UBR4: variants seen among roughly 807,000 people sequenced by gnomAD.
The protein encoded by UBR4 is ubiquitin protein ligase E3 component n-recognin 4.
In UBR4, 124 loss-of-function variants were observed where a neutral mutation model predicts 575.6. The observed-to-expected ratio is 0.22, with a 90% CI of 0.19 to 0.25. The LOEUF is 0.25. UBR4 is among the 10% of genes least tolerant of loss of function. UBR4 has a pLI of 1.00. For synonymous variants in UBR4, 2,455 were observed against 2,473.7 expected (o/e 0.99, Z 0.22); for missense variants, 4,818 against 6,478.8 (o/e 0.74, Z 8.80).
rs1340117548 is a variant in UBR4 at position 19,198,042 on chromosome 1, C to G, written c.656G>C (p.Gly219Ala). The change falls in exon 6 of 106, where the codon GGA becomes GCA. Residue 219 changes from glycine (G) to alanine (A), a missense_variant. Coordinates refer to ENST00000375254, the MANE Select transcript of UBR4 (RefSeq NM_020765.3). ...QPISTQTLVE[G>A]ENDEQSSTDQ... The stretch of plus-strand genomic sequence containing the variant: ...TGTAGATGACTGCTCATCATTTTCT[C>G]CTTCCACCTGAAAAGAAACATAAGG... 78 of 1,613,582 alleles carry G rather than the reference C, an allele frequency of 4.8e-5. No individual in the cohort carries two copies. Among genetic ancestry groups the G allele is most frequent in the Non-Finnish European group, 6.3e-5 (74 of 1,179,990 alleles).
At chr1:19,138,940 A>G in intron 59 of UBR4, 143 bp downstream of exon 59, 1 of 1,085,752 alleles carries the variant, frequency 9.2e-7, no homozygotes, top group Non-Finnish European at 1.2e-6. Flanking sequence ...TGAATTCCAC[A>G]AGACTTTCAG....
At chr1:19,192,078 A>G in intron 11 of UBR4, 110 bp downstream of exon 11, 1 of 1,253,990 alleles carries the variant, frequency 8.0e-7, no homozygotes, top group South Asian at 1.5e-5. Flanking sequence ...AATTCAAGCC[A>G]GGTAGGAAGG....
At position 19,104,139 on chromosome 1, in the gene UBR4, C is replaced by T. The variant is rs1322549691; in HGVS notation, c.12846G>A (p.Lys4282=). 1.2e-5 allele frequency: 20 copies of T among 1,614,142 alleles called. No individual in the cohort carries two copies. The highest frequency in any genetic ancestry group is 1.4e-5 in the Non-Finnish European group (17 of 1,180,058). Residue 4282 remains lysine (K), a synonymous_variant, in exon 87 of 106, where the codon AAG becomes AAA. Coordinates refer to ENST00000375254, the MANE Select transcript of UBR4 (RefSeq NM_020765.3). ...GCATGTCCTGCGTCTCATCGATCAGCTTGGTCCTCTGCACCACCAGCTTCC... is the reference window on the plus strand; with the variant it reads ...GCATGTCCTGCGTCTCATCGATCAGTTTGGTCCTCTGCACCACCAGCTTCC... ...CLRKLVVQRT[K]LIDETQDMLL...
At chr1:19,096,685 G>T (rs750540358) in intron 91 of UBR4, 35 bp from the exon 92 acceptor site, 2 of 1,611,556 alleles carry the variant, frequency 1.2e-6, no homozygotes, top group East Asian at 2.2e-5. Context: ...GAAATGGAGG[G>T]TAAGGTGAAG....
chr1:19,182,367 G>A (rs1215521968), intron 17 of UBR4, among the ~76,000 whole-genome samples: 2 of 151,690 alleles, frequency 1.3e-5, no homozygotes, highest in Non-Finnish European at 2.9e-5. Flanking sequence ...GGCAGATGGG[G>A]ATCTTGCTAT....
chr1:19,165,190 C>T lies in UBR4; in HGVS notation c.4312+59G>A, dbSNP rs573506122. 2.0e-4 allele frequency: 302 copies of T among 1,523,228 alleles called. 1 individual carries two copies. Among genetic ancestry groups the T allele is most frequent in the Admixed American group, 8.5e-5 (5 of 59,144 alleles). The allele number at this position is 1,523,228 out of a possible 1,614,324, so 94.4% of individuals were successfully genotyped here. ...TAGTTAAACTCAGGCAGAAGATATG[C>T]ACAGTATTAGCCGGACATCAAAGTT... On this transcript the variant is annotated intron_variant, in intron 31 of 105. Transcript: ENST00000375254.
chr1:19,121,872 G>GT, intron 67 of UBR4, 62 bp downstream of exon 67: 2 of 1,575,082 alleles, frequency 1.3e-6, no homozygotes, highest in Non-Finnish European at 1.7e-6. Context: ...TTGGCATATA[G>GT]TAGGCCTTAA....
At chr1:19,156,184 A>G in intron 42 of UBR4, 87 bp downstream of exon 42, 1 of 1,529,370 alleles carries the variant, frequency 6.5e-7, no homozygotes, top group Admixed American at 2.1e-5. Context: ...GATTTTTTTA[A>G]CTCCTGGGAG....
intron 2 of UBR4, among the ~76,000 whole-genome samples, chr1:19,201,103 C>T (rs192276825): frequency 9.9e-5 from 15 of 152,186 alleles, no homozygotes; most frequent in Admixed American, 9.8e-4. Flanking sequence ...CACGCCACTG[C>T]ACTCCAGCCT....
In UBR4 at chr1:19,120,003, C is replaced by T. The variant is rs993843823; in HGVS notation, c.10310+177G>A. The stretch of plus-strand genomic sequence containing the variant: ...AAAACAGATCGTCTCCTGCCTATGA[C>T]GTCAGTTTAATGGCTAAAAAGCAGA... On this transcript the variant is annotated intron_variant, in intron 69 of 105. Coordinates refer to ENST00000375254, the MANE Select transcript of UBR4 (RefSeq NM_020765.3). Among the ~76,000 whole-genome samples, 8 of 152,146 alleles carry T rather than the reference C, an allele frequency of 5.3e-5. No individual in the cohort carries two copies. The South Asian group carries it at 6.2e-4, about 12-fold the overall frequency.
At chr1:19,109,456 G>A (rs1371512224) in intron 81 of UBR4, among the ~76,000 whole-genome samples, 1 of 152,236 alleles carries the variant, frequency 6.6e-6, no homozygotes, top group South Asian at 2.1e-4. Flanking sequence ...GGAGCTCACA[G>A]CTAGCCTAGT....
intron 17 of UBR4, among the ~76,000 whole-genome samples, chr1:19,181,253 C>A (rs527920882): frequency 7.2e-5 from 11 of 152,002 alleles, no homozygotes; most frequent in Admixed American, 5.2e-4. Flanking sequence ...AAGGACGGAC[C>A]AGCCGGGCAT....
rs2077341152 is a variant in UBR4, at chr1:19,089,774, C to A, written c.14212-797G>T. 6.6e-6 allele frequency among the ~76,000 whole-genome samples: 1 copy of A among 152,222 alleles called. No individual in the cohort carries two copies. The highest frequency in any genetic ancestry group is 1.5e-5 in the Non-Finnish European group (1 of 68,040). On this transcript the variant is annotated intron_variant, in intron 97 of 105. Transcript: ENST00000375254. This position sits in a 1 kb window ranked among gnomAD's most constrained non-coding sequence, Gnocchi z 4.3. ...TGAAAATAACACAGCCAGCAGATCACTCAGTAGCTCATAAATCTGTTCTCA... is the reference window on the plus strand; with the variant it reads ...TGAAAATAACACAGCCAGCAGATCAATCAGTAGCTCATAAATCTGTTCTCA...
At chr1:19,099,774 A>T in intron 89 of UBR4, 97 bp from the exon 90 acceptor site, 9 of 1,036,560 alleles carry the variant, frequency 8.7e-6, no homozygotes, top group Non-Finnish European at 1.1e-5. Context: ...TTGATAATTC[A>T]CAATTTTTAT....
At chr1:19,094,211 CAA>C (rs1403952163) in intron 94 of UBR4, 72 bp from the exon 95 acceptor site, 47 of 1,194,582 alleles carry the variant, frequency 3.9e-5, no homozygotes, top group Non-Finnish European at 4.6e-5. Flanking sequence ...ATCTGAGCCC[CAA>C]AAGTCACCAC....
chr1:19,187,333 G>A, intron 12 of UBR4, 32 bp from the exon 13 acceptor site: 1 of 1,609,188 alleles, frequency 6.2e-7, no homozygotes, highest in Non-Finnish European at 8.5e-7. Context: ...GGCAATTAAT[G>A]ATACTACTCA....
In UBR4 at chr1:19,118,809, T is replaced by G. The variant is rs11576847; in HGVS notation, c.10541+63A>C. On this transcript the variant is annotated intron_variant, in intron 71 of 105. Coordinates refer to ENST00000375254, the MANE Select transcript of UBR4 (RefSeq NM_020765.3). ...ATTCCTATGTAAGAGCCTATCACCA[T>G]GCAAATAACTCCTCAGAATGCTGAC... is the stretch of plus-strand genomic sequence containing the variant. 1.4e-3 allele frequency: 2,103 copies of G among 1,542,256 alleles called. 35 individuals are homozygous for G. The African/African-American group carries it at 0.026, about 19-fold the overall frequency.
intron 88 of UBR4, among the ~76,000 whole-genome samples, chr1:19,101,014 A>G (rs146546823): frequency 6.6e-6 from 1 of 152,228 alleles, no homozygotes; most frequent in Non-Finnish European, 1.5e-5. Flanking sequence ...CACACCCCCA[A>G]TGAGCTCTCA....
Position 19,191,494 on chromosome 1 carries a change from C to T in UBR4, c.1394+694G>A, listed in dbSNP as rs562410748. On this transcript the variant is annotated intron_variant, in intron 11 of 105. Coordinates refer to ENST00000375254, the MANE Select transcript of UBR4 (RefSeq NM_020765.3). ...TCAAAAAAAATAAAATAATAAAAGC[C>T]CCTATGACTCTCCGGCCCCTCGCTC... Among the ~76,000 whole-genome samples the T allele has an allele frequency of 4.0e-4, 61 of 152,026 alleles. No individual in the cohort carries two copies. In the South Asian group the frequency reaches 0.012, roughly 31 times the overall value.
Sources: allele counts gnomAD v4.1 joint callset (sites outside exome capture counted in the v4.1 genomes callset), GRCh38; gene constraint gnomAD v4.1.1; non-coding constraint Gnocchi (gnomAD v3.1); transcripts MANE v1.5; gene names NCBI Gene and HGNC (gene_info 2026-07-23, HGNC 2026-07-21).